The following TLE2 variants were observed in gnomAD, a reference collection of about 807,000 sequenced individuals.
TLE2 encodes the protein TLE family member 2, transcriptional corepressor.
TLE2 carries 74 observed loss-of-function variants against 97.2 expected under a neutral mutation model. The observed-to-expected ratio is 0.76, with a 90% CI of 0.63 to 0.92. The LOEUF (loss-of-function observed/expected upper bound fraction) is 0.92. TLE2 is among the 40% of genes least tolerant of loss of function. The probability of loss-of-function intolerance (pLI) is 0.00; values close to 1 mark genes in which losing one functional copy is unlikely to be tolerated. For synonymous variants in TLE2, 499 were observed against 432.1 expected (o/e 1.15, Z -1.92); for missense variants, 1,038 against 1,008.7 (o/e 1.03, Z -0.39).
At chr19:3,042,963 C>G (rs927878016) in intron 1 of TLE2, among the ~76,000 whole-genome samples, 1 of 151,956 alleles carries the variant, frequency 6.6e-6, no homozygotes. Flanking sequence ...GGTTTCAGCT[C>G]CCTTCTCTAG....
At chr19:3,028,050 C>T (rs1330925281) in intron 3 of TLE2, among the ~76,000 whole-genome samples, 177 bp from the exon 4 acceptor site, 1 of 152,058 alleles carries the variant, frequency 6.6e-6, no homozygotes, top group Non-Finnish European at 1.5e-5. Context: ...CCTGGAAGGG[C>T]CCCCTCTACT....
intron 19 of TLE2, among the ~76,000 whole-genome samples, chr19:2,999,787 C>G (rs899382347): frequency 6.7e-6 from 1 of 149,214 alleles, no homozygotes; most frequent in African/African-American, 2.5e-5. Context: ...AATCCCAACA[C>G]TTTGGGAGGC....
At position 3,008,913 on chromosome 19, in the gene TLE2, C is replaced by G. The variant is rs1310081213; in HGVS notation, c.1206G>C (p.Gly402=). The change falls in exon 14 of 20, where the codon GGG becomes GGC. Residue 402 remains glycine, a synonymous_variant. Coordinates refer to ENST00000262953, the MANE Select transcript of TLE2 (RefSeq NM_003260.5). ...TGGGTAGGGAGGAAGAGACGGATGA[C>G]CCTCGGAGATGGGGATGAGACTCAA... ...MAFESHPHLR[G]SSVSSSLPSI... 1.3e-6 allele frequency: 2 copies of G among 1,595,394 alleles called. No individual in the cohort carries two copies. Among genetic ancestry groups the G allele is most frequent in the Admixed American group, 1.7e-5 (1 of 57,982 alleles).
At chr19:3,004,347 A>C (rs1431204707) in intron 17 of TLE2, among the ~76,000 whole-genome samples, 3 of 151,990 alleles carry the variant, frequency 2.0e-5, no homozygotes, top group African/African-American at 7.3e-5. Flanking sequence ...TTGGACATAA[A>C]GAGCTTGGGA....
intron 4 of TLE2, 159 bp from the exon 5 acceptor site, chr19:3,025,241 G>T: frequency 9.3e-7 from 1 of 1,079,648 alleles, no homozygotes; most frequent in Non-Finnish European, 1.3e-6. Flanking sequence ...ATGGGCCGAG[G>T]TGGGATTCAG....
chr19:3,002,481 G>C lies in TLE2; in HGVS notation c.1919C>G (p.Pro640Arg). 1 of 1,589,100 alleles carries C rather than the reference G, an allele frequency of 6.3e-7. No individual in the cohort carries two copies. Among genetic ancestry groups the C allele is most frequent in the East Asian group, 2.3e-5 (1 of 43,568 alleles). The change falls in exon 18 of 20, where the codon CCT becomes CGT. Residue 640 changes from proline (P) to arginine (R), a missense_variant. Physicochemically the swap from Pro to Arg is moderately radical, Grantham distance 103. Transcript: ENST00000262953. Reference protein sequence around the residue: ...SSQIFSLGHCPNQDWLAVGME... With the variant: ...SSQIFSLGHCRNQDWLAVGME... ...TCCGACCGCCAGCCAGTCCTGGTTA[G>C]GGCAGTGGCCCAGGGAGAAAATCTG...
At chr19:3,015,452 C>T (rs2089681518) in intron 9 of TLE2, among the ~76,000 whole-genome samples, 1 of 152,238 alleles carries the variant, frequency 6.6e-6, no homozygotes, top group Admixed American at 6.5e-5. Flanking sequence ...GGCCAAGAGG[C>T]CGCAGAGACT....
At chr19:3,007,157 G>C (rs1351595416) in intron 14 of TLE2, among the ~76,000 whole-genome samples, 1 of 150,648 alleles carries the variant, frequency 6.6e-6, no homozygotes, top group Non-Finnish European at 1.5e-5. Context: ...GCGTGATCTG[G>C]ACTCACTGCA....
At position 3,009,544 on chromosome 19, in the gene TLE2, C is replaced by A. The variant is rs748886432; in HGVS notation, c.1171G>T (p.Val391Leu). Residue 391 changes from valine to leucine, a missense_variant and splice_region_variant, in exon 13 of 20, where the codon GTG becomes TTG. Transcript: ENST00000262953. ...SSSVVYGRSP[V>L]MAFESHPHLR... Reference sequence around the variant, plus strand: ...TGCGCCCCCACCCAAGGACTCACCACGGGGGAGCGTCCGTACACCACAGAG... The same window carrying A: ...TGCGCCCCCACCCAAGGACTCACCAAGGGGGAGCGTCCGTACACCACAGAG... 1.2e-6 allele frequency: 2 copies of A among 1,605,242 alleles called. No individual in the cohort carries two copies. Among genetic ancestry groups the A allele is most frequent in the Non-Finnish European group, 1.7e-6 (2 of 1,176,018 alleles).
rs1261850038 is a variant in TLE2 at position 3,000,641 on chromosome 19, G to A, written c.2124+6C>T. The stretch of plus-strand genomic sequence containing the variant: ...GCCAGAGTGGGGGCTCCAGACCGCC[G>A]AGTACCTGGAAAATGCTGGCCCCGT... On this transcript the variant is annotated splice_donor_region_variant and intron_variant, in intron 19 of 19. Coordinates refer to ENST00000262953, the MANE Select transcript of TLE2 (RefSeq NM_003260.5). The A allele has an allele frequency of 1.7e-5, 27 of 1,578,066 alleles. No individual in the cohort carries two copies. Among genetic ancestry groups the A allele is most frequent in the African/African-American group, 1.2e-4 (9 of 73,922 alleles).
intron 14 of TLE2, 53 bp from the exon 15 acceptor site, chr19:3,006,722 C>T (rs768743343): frequency 1.1e-4 from 174 of 1,522,628 alleles, no homozygotes; most frequent in Non-Finnish European, 1.5e-4. Context: ...CCCCCGCACC[C>T]GCACCTGGGA....
intron 4 of TLE2, among the ~76,000 whole-genome samples, chr19:3,026,409 T>C (rs2089943743): frequency 6.8e-6 from 1 of 147,740 alleles, no homozygotes. Flanking sequence ...GATCAGGTCA[T>C]TGCACTCCAG....
rs750831434 is a variant in TLE2, at chr19:3,019,702, G to A, written c.366C>T (p.Ile122=). 8.7e-6 allele frequency: 14 copies of A among 1,609,270 alleles called. No homozygotes were observed. The highest frequency in any genetic ancestry group is 5.0e-5 in the Admixed American group (3 of 59,414). The change falls in exon 6 of 20, where the codon ATC becomes ATT. Residue 122 remains isoleucine, a synonymous_variant. Coordinates refer to ENST00000262953, the MANE Select transcript of TLE2 (RefSeq NM_003260.5). This position sits in a 1 kb window ranked among gnomAD's most constrained non-coding sequence, Gnocchi z 5.1. ...QVTVGELNSL[I]GQQLQPLSHH... Reference sequence around the variant, plus strand: ...GGCAGGGGCTAGAGAGACTCACCCCGATGAGGCTGTTCAGCTCCCCCACGG... The same window carrying A: ...GGCAGGGGCTAGAGAGACTCACCCCAATGAGGCTGTTCAGCTCCCCCACGG...
At chr19:2,998,804 C>G (rs1302890090) in intron 19 of TLE2, among the ~76,000 whole-genome samples, 1 of 152,168 alleles carries the variant, frequency 6.6e-6, no homozygotes. Flanking sequence ...AGAGATGGAA[C>G]TGAAGTGCTG....
chr19:3,005,485 C>T lies in TLE2; in HGVS notation c.1848G>A (p.Trp616Ter). 1 of 1,613,840 alleles carries T rather than the reference C, an allele frequency of 6.2e-7. No individual in the cohort carries two copies. The highest frequency in any genetic ancestry group is 8.5e-7 in the Non-Finnish European group (1 of 1,179,804). The change falls in exon 17 of 20, where the codon TGG becomes TGA. Residue 616 changes from tryptophan to a stop codon, truncating the protein, a stop_gained. Transcript: ENST00000262953. LOFTEE classifies it high-confidence loss of function. ...TGGLDNTVRC[W>*]DLREGRQLQQ... is the part of the protein sequence containing the mutation. ...GCAGCTGGCGGCCCTCCCGCAGGTC[C>T]CAGCAGCGCACCGTGTTGTCCAGGC...
intron 1 of TLE2, among the ~76,000 whole-genome samples, chr19:3,044,581 G>C (rs868715515): frequency 6.6e-6 from 1 of 152,126 alleles, no homozygotes; most frequent in Admixed American, 6.5e-5. Context: ...CACCACGCCC[G>C]GCTAATTTTT....
rs1185276088 is a variant in TLE2, at chr19:2,997,884, C to A, written c.2196G>T (p.Gly732=). 1.9e-6 allele frequency: 3 copies of A among 1,612,468 alleles called. No individual in the cohort carries two copies. Among genetic ancestry groups the A allele is most frequent in the Non-Finnish European group, 2.5e-6 (3 of 1,179,366 alleles). ...CCTCATACACGGTGGCCTTCTTGTC[C>A]CCCGAGCCTGTCACGATGTATTTGT... is the stretch of plus-strand genomic sequence containing the variant. ...RNNKYIVTGS[G]DKKATVYEVV... Residue 732 remains glycine, a synonymous_variant, in exon 20 of 20, where the codon GGG becomes GGT. Transcript: ENST00000262953.
chr19:3,000,483 C>T (rs1006230747), intron 19 of TLE2, among the ~76,000 whole-genome samples, 164 bp downstream of exon 19: 2 of 152,092 alleles, frequency 1.3e-5, no homozygotes, highest in African/African-American at 2.4e-5. Context: ...AAATTCCAAC[C>T]TCTGCTTTAG....
chr19:3,009,570 C>T lies in TLE2; in HGVS notation c.1145G>A (p.Ser382Asn). ...GGGGGAGCGTCCGTACACCACAGAG[C>T]TGCTGACCTGGGGGGACAGGTGGAG... ...VSLHLSPQVS[S>N]SVVYGRSPVM... The change falls in exon 13 of 20, where the codon AGC (serine) becomes AAC (asparagine). Residue 382 changes from serine to asparagine, a missense_variant. Transcript: ENST00000262953. 1 of 1,613,198 alleles carries T rather than the reference C, an allele frequency of 6.2e-7. No individual in the cohort carries two copies.
Sources: allele counts gnomAD v4.1 joint callset (sites outside exome capture counted in the v4.1 genomes callset), GRCh38; gene constraint gnomAD v4.1.1; non-coding constraint Gnocchi (gnomAD v3.1); transcripts MANE v1.5; gene names NCBI Gene and HGNC (gene_info 2026-07-23, HGNC 2026-07-21).